The following MIR2052HG variants were observed in gnomAD, a reference collection of about 807,000 sequenced individuals.
The protein encoded by MIR2052HG is MIR2052 host gene.
chr8:74,694,159 A>G lies in MIR2052HG; in HGVS notation n.217-8220A>G, dbSNP rs182320887. Among the ~76,000 whole-genome samples the G allele has an allele frequency of 5.9e-5, 9 of 152,344 alleles. No individual in the cohort carries two copies. The East Asian group carries it at 1.7e-3, about 29-fold the overall frequency. ...AGGTGCTAGTATCCATGGCTGAGAG[A>G]CATGAAGACAGATCACATCACAGGA... On this transcript the variant is annotated intron_variant and non_coding_transcript_variant, in intron 2 of 6. Coordinates refer to ENST00000523442, the Ensembl canonical transcript of MIR2052HG.
intron 2 of MIR2052HG, among the ~76,000 whole-genome samples, chr8:74,692,915 CG>C (rs1196575578): frequency 1.3e-5 from 2 of 151,858 alleles, no homozygotes; most frequent in Admixed American, 1.3e-4. Flanking sequence ...TTTTCTTTCT[CG>C]GGGTATGATT....
At chr8:74,645,618 A>T (rs1237937331) in intron 2 of MIR2052HG, among the ~76,000 whole-genome samples, 1 of 152,204 alleles carries the variant, frequency 6.6e-6, no homozygotes, top group Admixed American at 6.5e-5. Context: ...ATTACTAATG[A>T]GATCTGATCT....
intron 2 of MIR2052HG, among the ~76,000 whole-genome samples, chr8:74,697,471 C>T (rs980859336): frequency 2.6e-5 from 4 of 152,020 alleles, no homozygotes; most frequent in African/African-American, 7.2e-5. Context: ...GGAAGTCCTA[C>T]GCAAAGCAAT....
chr8:74,752,594 G>A (rs746459903), intron 5 of MIR2052HG: 15 of 431,312 alleles, frequency 3.5e-5, no homozygotes, highest in Non-Finnish European at 6.4e-5. Context: ...TATGTACTGT[G>A]GTTAAACTGC....
chr8:74,635,191 A>C (rs1045579312), intron 2 of MIR2052HG, among the ~76,000 whole-genome samples: 48 of 152,074 alleles, frequency 3.2e-4, no homozygotes, highest in Non-Finnish European at 3.2e-4. Flanking sequence ...ATTTATGGGT[A>C]CCTATTATGT....
chr8:74,604,271 C>T (rs1808073673), intron 1 of MIR2052HG: 4 of 809,222 alleles, frequency 4.9e-6, no homozygotes, highest in African/African-American at 3.4e-5. Flanking sequence ...GGGAGCTGGA[C>T]TTTGAGTGGT....
chr8:74,672,587 A>G (rs1382499262), intron 2 of MIR2052HG, among the ~76,000 whole-genome samples: 2 of 152,052 alleles, frequency 1.3e-5, no homozygotes, highest in African/African-American at 4.8e-5. Context: ...TGTCCAGTGA[A>G]GGTTCAGGGA....
chr8:74,620,683 G>A (rs544882814), intron 2 of MIR2052HG, among the ~76,000 whole-genome samples: 1 of 152,372 alleles, frequency 6.6e-6, no homozygotes, highest in African/African-American at 2.4e-5. Flanking sequence ...TCCTGAGGCT[G>A]CACAGAGCAG....
chr8:74,719,899 G>A (rs548922728), intron 4 of MIR2052HG, among the ~76,000 whole-genome samples: 1 of 140,352 alleles, frequency 7.1e-6, no homozygotes, highest in Non-Finnish European at 1.5e-5. Context: ...CCAGGCTGGA[G>A]TGCAGTGGCA....
intron 2 of MIR2052HG, among the ~76,000 whole-genome samples, chr8:74,617,681 A>T (rs1298246951): frequency 1.3e-5 from 2 of 152,112 alleles, no homozygotes; most frequent in Non-Finnish European, 2.9e-5. Flanking sequence ...AAGTGCAGGC[A>T]TCTTTTTGAT....
At chr8:74,660,247 C>G (rs1808847111) in intron 2 of MIR2052HG, among the ~76,000 whole-genome samples, 1 of 152,192 alleles carries the variant, frequency 6.6e-6, no homozygotes, top group Non-Finnish European at 1.5e-5. Flanking sequence ...TACAGTGGAC[C>G]TGGACTGAGC....
chr8:74,617,460 T>G (rs1352118892), intron 2 of MIR2052HG, among the ~76,000 whole-genome samples: 10 of 17,292 alleles, frequency 5.8e-4, no homozygotes, highest in African/African-American at 1.8e-3. Context: ...CCATTGGGTG[T>G]GTGTGTGTGT....
chr8:74,619,908 T>C (rs1417936294), intron 2 of MIR2052HG, among the ~76,000 whole-genome samples: 4 of 152,018 alleles, frequency 2.6e-5, no homozygotes, highest in Non-Finnish European at 5.9e-5. Context: ...AACCCAAAAG[T>C]CCAAATCCAA....
intron 4 of MIR2052HG, among the ~76,000 whole-genome samples, chr8:74,713,610 C>T (rs1421439824): frequency 5.3e-5 from 8 of 152,078 alleles, no homozygotes; most frequent in Non-Finnish European, 8.8e-5. Flanking sequence ...GTAGACAGTG[C>T]ATAGAACACT....
intron 2 of MIR2052HG, among the ~76,000 whole-genome samples, chr8:74,700,705 C>T (rs1299514477): frequency 6.6e-6 from 1 of 152,072 alleles, no homozygotes; most frequent in East Asian, 1.9e-4. Context: ...TCTGAGACAG[C>T]TGATTGTATT....
At chr8:74,655,704 G>C (rs1298375323) in intron 2 of MIR2052HG, among the ~76,000 whole-genome samples, 1 of 152,228 alleles carries the variant, frequency 6.6e-6, no homozygotes, top group Non-Finnish European at 1.5e-5. Flanking sequence ...CAGTGCAGAA[G>C]GAAAATGTGG....
intron 4 of MIR2052HG, among the ~76,000 whole-genome samples, chr8:74,739,035 C>T (rs1809799707): frequency 6.6e-6 from 1 of 152,122 alleles, no homozygotes; most frequent in African/African-American, 2.4e-5. Context: ...TTTTAAAGTT[C>T]ATTAAAGGGA....
At chr8:74,630,528 G>GTAA (rs375000242) in intron 2 of MIR2052HG, among the ~76,000 whole-genome samples, 1 of 126,078 alleles carries the variant, frequency 7.9e-6, no homozygotes, top group African/African-American at 2.9e-5. Context: ...AGATTTCTCT[G>GTAA]AAAAAAAAAA....
intron 2 of MIR2052HG, among the ~76,000 whole-genome samples, chr8:74,620,914 A>C (rs1036005094): frequency 6.6e-6 from 1 of 152,184 alleles, no homozygotes; most frequent in African/African-American, 2.4e-5. Context: ...TATTTTTCAA[A>C]CTTTTATGCT....
Sources: gnomAD v4.1 joint callset for allele counts (sites outside exome capture counted in the v4.1 genomes callset) on GRCh38, gnomAD v4.1.1 for gene constraint, MANE v1.5 for transcripts, NCBI Gene and HGNC (gene_info 2026-07-23, HGNC 2026-07-21) for gene names.